Variants in CIRSR observed in about 807,000 individuals in gnomAD.
CIRSR encodes CBF1 (RBPJ) interacting corepressor 1.
At chr2:174,366,370 A>G in the CIRSR span, among the ~76,000 whole-genome samples, 1 of 152,150 alleles carries the variant, frequency 6.6e-6, no homozygotes, top group South Asian at 2.1e-4. Context: ...AGCAAGATAA[A>G]TACCAAAAAA....
At chr2:174,367,508 A>G in the CIRSR span, among the ~76,000 whole-genome samples, 4 of 152,070 alleles carry the variant, frequency 2.6e-5, no homozygotes, top group Non-Finnish European at 5.9e-5. Flanking sequence ...TGAACCCTGG[A>G]GGCGGAGGTT....
At chr2:174,379,364 G>T in the CIRSR span, among the ~76,000 whole-genome samples, 41 of 152,184 alleles carry the variant, frequency 2.7e-4, no homozygotes, top group Non-Finnish European at 3.1e-4. Flanking sequence ...ATTTTAATAA[G>T]TAAACCTTTA....
chr2:174,370,831 A>G, the CIRSR span, among the ~76,000 whole-genome samples: 1 of 151,958 alleles, frequency 6.6e-6, no homozygotes, highest in Non-Finnish European at 1.5e-5. Context: ...GAATGGTGTG[A>G]ACCCAGGAGG....
At chr2:174,348,922 T>C in the CIRSR span, 2 of 1,614,030 alleles carry the variant, frequency 1.2e-6, no homozygotes, top group Non-Finnish European at 1.7e-6. Context: ...GACTTGTCCT[T>C]CTCTTCAGAA....
chr2:174,374,646 G>A, the CIRSR span, among the ~76,000 whole-genome samples: 2 of 152,172 alleles, frequency 1.3e-5, no homozygotes, highest in South Asian at 4.1e-4. Context: ...AGTTAGCTAC[G>A]TATGGAGCTA....
the CIRSR span, chr2:174,348,518 A>C: frequency 6.2e-7 from 1 of 1,610,940 alleles, no homozygotes; most frequent in Non-Finnish European, 8.5e-7. Context: ...GTGTCACTTT[A>C]GTATGTGTAC....
chr2:174,351,848 T>G, the CIRSR span: 7 of 572,168 alleles, frequency 1.2e-5, no homozygotes, highest in East Asian at 2.2e-4. Flanking sequence ...CTCAATAATC[T>G]TCTGCTGAGC....
chr2:174,350,026 TTAGTTTTATAA>T, the CIRSR span, among the ~76,000 whole-genome samples: 1 of 152,224 alleles, frequency 6.6e-6, no homozygotes, highest in African/African-American at 2.4e-5. Context: ...CAACAATTGT[TTAGTTTTATAA>T]ATAGGACAAT....
chr2:174,374,150 G>A, the CIRSR span, among the ~76,000 whole-genome samples: 1 of 152,188 alleles, frequency 6.6e-6, no homozygotes, highest in Non-Finnish European at 1.5e-5. Context: ...CTTTTTGAGA[G>A]CCATTTAAAT....
the CIRSR span, chr2:174,395,589 T>C: frequency 1.9e-6 from 3 of 1,614,108 alleles, no homozygotes; most frequent in African/African-American, 1.3e-5. Context: ...TGAAAGTCTT[T>C]CTTGCACATG....
At chr2:174,376,289 C>A in the CIRSR span, among the ~76,000 whole-genome samples, 1 of 152,168 alleles carries the variant, frequency 6.6e-6, no homozygotes, top group Non-Finnish European at 1.5e-5. Context: ...AAAAGAATCA[C>A]TAATATGTAG....
chr2:174,395,158 T>A, the CIRSR span, among the ~76,000 whole-genome samples: 6 of 152,334 alleles, frequency 3.9e-5, no homozygotes, highest in South Asian at 4.1e-4. Flanking sequence ...GTAATTTTTT[T>A]AAAGATCTAT....
chr2:174,373,764 T>TA, the CIRSR span, among the ~76,000 whole-genome samples: 185 of 130,244 alleles, frequency 1.4e-3, no homozygotes, highest in Admixed American at 1.9e-3. Context: ...TCCCTCACCT[T>TA]AAAAAAAAAA....
chr2:174,378,113 T>C, the CIRSR span, among the ~76,000 whole-genome samples: 40 of 152,272 alleles, frequency 2.6e-4, no homozygotes, highest in Admixed American at 7.2e-4. Flanking sequence ...AGAGCAGCCC[T>C]GCTTTTATAT....
At chr2:174,364,962 T>C in the CIRSR span, among the ~76,000 whole-genome samples, 3 of 152,232 alleles carry the variant, frequency 2.0e-5, no homozygotes, top group Non-Finnish European at 4.4e-5. Context: ...CAAATTTCTG[T>C]AGCCGGCTTG....
chr2:174,371,951 T>A, the CIRSR span, among the ~76,000 whole-genome samples: 11 of 152,336 alleles, frequency 7.2e-5, no homozygotes, highest in East Asian at 1.9e-3. Context: ...GATTTTTTTT[T>A]AAATGAAAAG....
chr2:174,365,561 C>T, the CIRSR span, among the ~76,000 whole-genome samples: 1 of 152,214 alleles, frequency 6.6e-6, no homozygotes, highest in African/African-American at 2.4e-5. Flanking sequence ...ACTGGACTTA[C>T]AGTTCCATGT....
chr2:174,366,874 A>G, the CIRSR span, among the ~76,000 whole-genome samples: 2 of 152,188 alleles, frequency 1.3e-5, no homozygotes, highest in Non-Finnish European at 2.9e-5. Flanking sequence ...GTGGACTTAG[A>G]TTAGTTGTAA....
the CIRSR span, among the ~76,000 whole-genome samples, chr2:174,372,022 G>T: frequency 5.3e-5 from 8 of 152,128 alleles, no homozygotes; most frequent in African/African-American, 1.9e-4. Flanking sequence ...ATTTTTCATT[G>T]CATTCAAATT....
Sources: allele counts gnomAD v4.1 joint callset (sites outside exome capture counted in the v4.1 genomes callset), GRCh38; gene constraint gnomAD v4.1.1; transcripts MANE v1.5; gene names NCBI Gene and HGNC (gene_info 2026-07-23, HGNC 2026-07-21).